Variants in TENM3 observed in about 807,000 individuals in gnomAD.
TENM3 encodes teneurin transmembrane protein 3, also known as teneurin-3.
TENM3 carries 63 observed loss-of-function variants against 255.1 expected under a neutral mutation model. The ratio of observed to expected loss-of-function variants is 0.25; its 90% CI spans 0.20 to 0.30. TENM3 has a LOEUF of 0.30. Among genes scored for constraint, TENM3 ranks in the 10% least tolerant of loss-of-function variants. The probability of loss-of-function intolerance (pLI) is 1.00; values close to 1 mark genes in which losing one functional copy is unlikely to be tolerated. For missense variants in TENM3, 2,929 were observed against 3,461.1 expected (o/e 0.85, Z 3.86); for synonymous variants, 1,306 against 1,322.3 (o/e 0.99, Z 0.27).
At chr4:182,738,271 C>A in intron 17 of TENM3, 130 bp from the exon 18 acceptor site, 5 of 694,038 alleles carry the variant, frequency 7.2e-6, no homozygotes, top group South Asian at 7.4e-5. Flanking sequence ...AAAAAATAAA[C>A]TGCTCATAAA....
At chr4:181,890,403 A>T in the TENM3 span, among the ~76,000 whole-genome samples, 1 of 152,168 alleles carries the variant, frequency 6.6e-6, no homozygotes, top group Non-Finnish European at 1.5e-5. Flanking sequence ...AGAAATATTT[A>T]TAAATAGGAA....
the TENM3 span, among the ~76,000 whole-genome samples, chr4:182,038,841 C>T: frequency 3.3e-5 from 5 of 152,142 alleles, no homozygotes; most frequent in Non-Finnish European, 7.3e-5. Context: ...TCAAGTGATT[C>T]TCCTGCCTCA....
At chr4:181,753,325 G>C in the TENM3 span, among the ~76,000 whole-genome samples, 1 of 152,082 alleles carries the variant, frequency 6.6e-6, no homozygotes, top group African/African-American at 2.4e-5. Flanking sequence ...CCCCATGAAA[G>C]CATGAGCAGA....
At chr4:182,007,059 G>C in the TENM3 span, among the ~76,000 whole-genome samples, 1 of 152,110 alleles carries the variant, frequency 6.6e-6, no homozygotes, top group Non-Finnish European at 1.5e-5. Context: ...TCTTAATCCT[G>C]AGTTCTAATT....
the TENM3 span, among the ~76,000 whole-genome samples, chr4:181,558,738 A>G: frequency 9.2e-5 from 14 of 152,248 alleles, no homozygotes; most frequent in East Asian, 1.5e-3. Context: ...GAGCAAAGCT[A>G]TATCACCAAC....
At chr4:182,431,313 G>A (rs1432589509) in intron 3 of TENM3, among the ~76,000 whole-genome samples, 1 of 151,816 alleles carries the variant, frequency 6.6e-6, no homozygotes, top group Non-Finnish European at 1.5e-5. Context: ...GGCCAACATG[G>A]TGAAACCCCA....
At chr4:182,006,591 A>G in the TENM3 span, among the ~76,000 whole-genome samples, 1 of 151,234 alleles carries the variant, frequency 6.6e-6, no homozygotes, top group African/African-American at 2.4e-5. Context: ...ATCATTTCTT[A>G]TTATGTCTAT....
the TENM3 span, among the ~76,000 whole-genome samples, chr4:181,605,550 G>GA: frequency 1.1e-4 from 3 of 28,528 alleles, no homozygotes; most frequent in African/African-American, 2.6e-4. Context: ...AAGAAAGAAA[G>GA]AAAGAAAGAA....
At chr4:181,853,269 T>C in the TENM3 span, among the ~76,000 whole-genome samples, 1 of 152,216 alleles carries the variant, frequency 6.6e-6, no homozygotes, top group Non-Finnish European at 1.5e-5. Context: ...ACATAGAGTT[T>C]TAAAAACAAA....
intron 13 of TENM3, among the ~76,000 whole-genome samples, chr4:182,724,030 G>A (rs574207564): frequency 1.1e-4 from 17 of 152,296 alleles, no homozygotes; most frequent in South Asian, 2.1e-4. Flanking sequence ...CAGACTGAGC[G>A]GAGGGAAGCA....
At chr4:182,560,582 C>T (rs1743062247) in intron 3 of TENM3, among the ~76,000 whole-genome samples, 1 of 152,156 alleles carries the variant, frequency 6.6e-6, no homozygotes, top group African/African-American at 2.4e-5. Flanking sequence ...AGTTAATGCC[C>T]TCAGTGGGTG....
At chr4:181,801,887 A>G in the TENM3 span, among the ~76,000 whole-genome samples, 14 of 151,862 alleles carry the variant, frequency 9.2e-5, no homozygotes, top group African/African-American at 3.4e-4. Context: ...GCAAGTCACC[A>G]TTCTTTTTTG....
rs1436103583 is a variant in TENM3 at position 182,642,877 on chromosome 4, G to T, written c.989-10894G>T. Among the ~76,000 whole-genome samples, 4 of 152,066 alleles carry T rather than the reference G, an allele frequency of 2.6e-5. 1 individual carries two copies. The highest frequency in any genetic ancestry group is 2.6e-4 in the Admixed American group (4 of 15,264). On this transcript the variant is annotated intron_variant, in intron 5 of 27. Transcript: ENST00000511685. ...TATTGATTTAAAATAACAATATTTG[G>T]GTCAGCATGCTATAGAGTGTTGAAA...
At chr4:181,460,113 A>G in the TENM3 span, among the ~76,000 whole-genome samples, 3 of 152,064 alleles carry the variant, frequency 2.0e-5, no homozygotes, top group East Asian at 5.8e-4. Flanking sequence ...TTCCATTATT[A>G]TATTGTCACA....
upstream of TENM3, among the ~76,000 whole-genome samples, chr4:182,140,906 G>A (rs1210375225): frequency 6.6e-6 from 1 of 152,144 alleles, no homozygotes; most frequent in Admixed American, 6.5e-5. Context: ...AGGGCAGGGT[G>A]CTGTTGGCCT....
chr4:182,047,601 A>G, the TENM3 span, among the ~76,000 whole-genome samples: 7 of 148,848 alleles, frequency 4.7e-5, no homozygotes, highest in African/African-American at 1.2e-4. Context: ...TAAATGAACC[A>G]TTTTCCCGGG....
intron 3 of TENM3, among the ~76,000 whole-genome samples, chr4:182,448,499 C>T (rs1456404125): frequency 1.3e-5 from 2 of 152,210 alleles, no homozygotes; most frequent in African/African-American, 4.8e-5. Context: ...ATGCGGGACG[C>T]ATGAATGGTG....
At chr4:181,686,783 AT>A in the TENM3 span, among the ~76,000 whole-genome samples, 3 of 152,074 alleles carry the variant, frequency 2.0e-5, no homozygotes, top group African/African-American at 4.8e-5. Context: ...AATCACTGTA[AT>A]TTTTTAAAAT....
At chr4:181,758,294 C>T in the TENM3 span, among the ~76,000 whole-genome samples, 2 of 152,202 alleles carry the variant, frequency 1.3e-5, no homozygotes, top group Non-Finnish European at 2.9e-5. Context: ...AGTTTTTGCA[C>T]ATCTTCAGGG....
Sources: allele counts gnomAD v4.1 joint callset (sites outside exome capture counted in the v4.1 genomes callset), GRCh38; gene constraint gnomAD v4.1.1; transcripts MANE v1.5; gene names NCBI Gene and HGNC (gene_info 2026-07-23, HGNC 2026-07-21).